SLC4A8: variants seen among roughly 807,000 people sequenced by gnomAD.
The protein encoded by SLC4A8 is electroneutral sodium bicarbonate exchanger 1.
In SLC4A8, 40 loss-of-function variants were observed where a neutral mutation model predicts 125.0. The ratio of observed to expected loss-of-function variants is 0.32; its 90% confidence interval spans 0.25 to 0.42. The LOEUF is 0.42. Ranked by LOEUF, SLC4A8 falls within the 10% of genes least tolerant of loss-of-function variation. The pLI is 1.00. For missense variants in SLC4A8, 863 were observed against 1,355.1 expected (o/e 0.64, Z 5.70); for synonymous variants, 456 against 476.0 (o/e 0.96, Z 0.55).
At chr12:51,408,352 C>A (rs1422178571) in intron 1 of SLC4A8, among the ~76,000 whole-genome samples, 1 of 152,100 alleles carries the variant, frequency 6.6e-6, no homozygotes, top group East Asian at 1.9e-4. Context: ...GTCTCGGCCT[C>A]CAGAGTAGCT....
chr12:51,428,751 T>C (rs1296068503), intron 1 of SLC4A8, among the ~76,000 whole-genome samples: 1 of 152,232 alleles, frequency 6.6e-6, no homozygotes, highest in Non-Finnish European at 1.5e-5. Context: ...TTAACTTTTA[T>C]TGAATGCTTG....
Position 51,488,726 on chromosome 12 carries a change from A to G in SLC4A8, c.2314A>G (p.Ile772Val), listed in dbSNP as rs201905031. 354 of 1,613,836 alleles carry G rather than the reference A, an allele frequency of 2.2e-4. 1 individual carries two copies. Among genetic ancestry groups the G allele is most frequent in the Non-Finnish European group, 2.9e-4 (345 of 1,179,820 alleles). Reference sequence around the variant, plus strand: ...AACAAGGGATGATCGCGGATGGATTATTAATCCCATTGGCCCCAATCCCTG... The same window carrying G: ...AACAAGGGATGATCGCGGATGGATTGTTAATCCCATTGGCCCCAATCCCTG... ...KPTRDDRGWI[I>V]NPIGPNPWWT... Residue 772 changes from isoleucine to valine, a missense_variant, in exon 18 of 25, where the codon ATT (isoleucine) becomes GTT (valine). Physicochemically the swap from Ile to Val is conservative, Grantham distance 29. Coordinates refer to ENST00000453097, the MANE Select transcript of SLC4A8 (RefSeq NM_001039960.3).
upstream of SLC4A8, among the ~76,000 whole-genome samples, chr12:51,424,050 A>AAC (rs1565762086): frequency 4.3e-4 from 30 of 69,832 alleles, 2 homozygotes; most frequent in Admixed American, 9.9e-4. Context: ...AAAAAAAAAA[A>AAC]AAACAAAAAA....
At chr12:51,425,123 C>T (rs1948923074) in intron 1 of SLC4A8, 88 bp downstream of exon 1, 26 of 1,478,834 alleles carry the variant, frequency 1.8e-5, no homozygotes, top group Non-Finnish European at 2.2e-5. Context: ...TGCCCCCGAG[C>T]CCAGGCTTCC....
rs565885771 is a variant in SLC4A8 at position 51,503,921 on chromosome 12, T to C, written c.3082-108T>C. 1.9e-4 allele frequency: 125 copies of C among 645,458 alleles called. 1 individual carries two copies. The South Asian group carries it at 2.0e-3, about 10-fold the overall frequency. The allele number at this position is 645,458 out of a possible 1,614,324, so 40.0% of individuals were successfully genotyped here. ...TATGAAAGAACCTAATTATATTCTT[T>C]ATAATAAATGCACAATGAAATTAGG... On this transcript the variant is annotated intron_variant, in intron 22 of 24. Coordinates refer to ENST00000453097, the MANE Select transcript of SLC4A8 (RefSeq NM_001039960.3).
chr12:51,475,534 T>G (rs566007712), intron 16 of SLC4A8, among the ~76,000 whole-genome samples: 50 of 152,358 alleles, frequency 3.3e-4, no homozygotes, highest in African/African-American at 1.2e-3. Flanking sequence ...TAACACACAA[T>G]AGCTACAGCT....
chr12:51,491,942 G>C (rs145361459), intron 19 of SLC4A8, among the ~76,000 whole-genome samples: 127 of 152,286 alleles, frequency 8.3e-4, no homozygotes, highest in Non-Finnish European at 1.6e-3. Context: ...TGGAACTATA[G>C]AGTAGAAATC....
intron 1 of SLC4A8, among the ~76,000 whole-genome samples, chr12:51,430,988 C>G (rs998829229): frequency 6.6e-6 from 1 of 152,222 alleles, no homozygotes; most frequent in Non-Finnish European, 1.5e-5. Flanking sequence ...AAATCTGATA[C>G]AGGTCTCACT....
At chr12:51,476,053 A>G (rs1164790510) in intron 16 of SLC4A8, among the ~76,000 whole-genome samples, 4 of 152,246 alleles carry the variant, frequency 2.6e-5, no homozygotes, top group African/African-American at 4.8e-5. Flanking sequence ...GGTTACATGT[A>G]CTTTTACCAC....
rs1949941670 is a variant in SLC4A8 at position 51,450,858 on chromosome 12, C to T, written c.131-18C>T. On this transcript the variant is annotated intron_variant, in intron 2 of 24. Coordinates refer to ENST00000453097, the MANE Select transcript of SLC4A8 (RefSeq NM_001039960.3). ...AAACTAAAGGAGTTCTCTCCACAGA[C>T]CTTCTGCTTCTTTCCAGGTCACAGA... 5 of 1,612,996 alleles carry T rather than the reference C, an allele frequency of 3.1e-6. No homozygotes were observed. Among genetic ancestry groups the T allele is most frequent in the Admixed American group, 1.7e-5 (1 of 59,940 alleles).
At chr12:51,483,354 C>CAAA (rs370326518) in intron 16 of SLC4A8, among the ~76,000 whole-genome samples, 3 of 138,240 alleles carry the variant, frequency 2.2e-5, no homozygotes, top group Admixed American at 7.2e-5. Context: ...TTCTCACACA[C>CAAA]AAAAAAAAAA....
chr12:51,420,549 T>C (rs1020549882), upstream of SLC4A8, among the ~76,000 whole-genome samples: 1 of 152,198 alleles, frequency 6.6e-6, no homozygotes, highest in African/African-American at 2.4e-5. Context: ...ATCCTTACAA[T>C]TATATGCAAA....
intron 1 of SLC4A8, among the ~76,000 whole-genome samples, chr12:51,418,978 G>A (rs1196620808): frequency 3.9e-5 from 6 of 152,310 alleles, no homozygotes; most frequent in Non-Finnish European, 8.8e-5. Context: ...AGGCTAAACA[G>A]AGGAGAAACC....
At chr12:51,477,286 T>G (rs1179738583) in intron 16 of SLC4A8, among the ~76,000 whole-genome samples, 5 of 152,236 alleles carry the variant, frequency 3.3e-5, no homozygotes. Context: ...TGTGTGAAAG[T>G]GTGAGACCTT....
intron 19 of SLC4A8, among the ~76,000 whole-genome samples, chr12:51,491,381 A>G (rs1951313360): frequency 6.6e-6 from 1 of 152,202 alleles, no homozygotes; most frequent in Non-Finnish European, 1.5e-5. Context: ...AGAGGTAGCA[A>G]CAGAGTCTCA....
Position 51,489,845 on chromosome 12 carries a change from C to A in SLC4A8, c.2594C>A (p.Ala865Asp). The stretch of plus-strand genomic sequence containing the variant: ...CTCAAGCTAGAATCTGAATGCTCTG[C>A]TCCTGGAGAACAGCCCAAGTTCCTG... The part of the protein sequence containing the change: ...NSLKLESECS[A>D]PGEQPKFLGI... Residue 865 changes from alanine to aspartate, a missense_variant, in exon 19 of 25, where the codon GCT becomes GAT. Coordinates refer to ENST00000453097, the MANE Select transcript of SLC4A8 (RefSeq NM_001039960.3). 1.9e-6 allele frequency: 3 copies of A among 1,614,224 alleles called. No individual in the cohort carries two copies. The highest frequency in any genetic ancestry group is 2.5e-6 in the Non-Finnish European group (3 of 1,180,036).
intron 1 of SLC4A8, among the ~76,000 whole-genome samples, chr12:51,426,905 T>C (rs899670959): frequency 1.3e-5 from 2 of 150,362 alleles, no homozygotes; most frequent in South Asian, 4.2e-4. Flanking sequence ...AGAGAGTAAA[T>C]GAGATCATGA....
At position 51,406,739 on chromosome 12, in the gene SLC4A8, T is replaced by C. The variant is rs141589106; in HGVS notation, c.-112+15251T>C. Among the ~76,000 whole-genome samples the C allele has an allele frequency of 2.9e-4, 44 of 152,352 alleles. No homozygotes were observed. The East Asian group carries it at 6.6e-3, about 23-fold the overall frequency. On this transcript the variant is annotated intron_variant, in intron 1 of 24. Transcript: ENST00000358657. ...GCTCCAGGCCCCACGTGCAGCAATA[T>C]CAGGTCTGTGGCCCTCTGAGGCTTC... is the stretch of plus-strand genomic sequence containing the variant.
At chr12:51,493,661 T>C in intron 19 of SLC4A8, 43 bp from the exon 20 acceptor site, 1 of 1,286,240 alleles carries the variant, frequency 7.8e-7, no homozygotes, top group Non-Finnish European at 1.1e-6. Context: ...TGTGCTATGA[T>C]ACCAAATTTA....
Sources: allele counts gnomAD v4.1 joint callset (sites outside exome capture counted in the v4.1 genomes callset), GRCh38; gene constraint gnomAD v4.1.1; transcripts MANE v1.5; gene names NCBI Gene and HGNC (gene_info 2026-07-23, HGNC 2026-07-21).